Variants in CNTN5 observed in about 807,000 individuals in gnomAD.
The protein encoded by CNTN5 is contactin 5, also known as contactin-5.
CNTN5 carries 77 observed loss-of-function variants against 129.1 expected under a neutral mutation model. That is an observed-to-expected ratio of 0.60 (90% confidence interval 0.50 to 0.72). The LOEUF is 0.72. Among genes scored for constraint, CNTN5 ranks in the 30% least tolerant of loss-of-function variants. CNTN5 has a pLI of 0.00. For synonymous variants in CNTN5, 509 were observed against 465.6 expected (o/e 1.09, Z -1.20); for missense variants, 1,478 against 1,328.8 (o/e 1.11, Z -1.75).
chr11:99,958,015 A>T (rs1029664568), intron 8 of CNTN5, among the ~76,000 whole-genome samples: 1 of 151,972 alleles, frequency 6.6e-6, no homozygotes, highest in Admixed American at 6.6e-5. Flanking sequence ...TAAAATATAT[A>T]TAATAGTAAC....
At chr11:99,809,207 A>G (rs1314663216) in intron 3 of CNTN5, among the ~76,000 whole-genome samples, 1 of 152,186 alleles carries the variant, frequency 6.6e-6, no homozygotes, top group African/African-American at 2.4e-5. Flanking sequence ...GTAAAAATAA[A>G]TTCACTTATA....
At chr11:100,220,336 T>G (rs1280932402) in intron 15 of CNTN5, among the ~76,000 whole-genome samples, 7 of 151,984 alleles carry the variant, frequency 4.6e-5, no homozygotes, top group Admixed American at 1.3e-4. Flanking sequence ...AGGAAAATAT[T>G]TTAACTCCAA....
At chr11:99,040,470 G>A (rs1448032996) in intron 1 of CNTN5, among the ~76,000 whole-genome samples, 1 of 151,976 alleles carries the variant, frequency 6.6e-6, no homozygotes, top group African/African-American at 2.4e-5. Flanking sequence ...AATATTTGTT[G>A]CACATTATAC....
intron 3 of CNTN5, among the ~76,000 whole-genome samples, chr11:99,626,955 A>G (rs1951154467): frequency 6.6e-6 from 1 of 152,102 alleles, no homozygotes; most frequent in South Asian, 2.1e-4. Context: ...TCTCTGCTAT[A>G]TTATCCTTAG....
chr11:99,689,299 G>A (rs10790910), intron 3 of CNTN5, among the ~76,000 whole-genome samples: 44,070 of 151,744 alleles, frequency 0.29, 6,461 homozygotes, highest in South Asian at 0.35. Context: ...AGGCCAAGGC[G>A]GGCAGATCAC....
chr11:99,155,901 G>C (rs998559092), intron 1 of CNTN5, among the ~76,000 whole-genome samples: 1 of 152,122 alleles, frequency 6.6e-6, no homozygotes, highest in Non-Finnish European at 1.5e-5. Context: ...CTGTACCAAA[G>C]AGGAAGAACG....
intron 1 of CNTN5, among the ~76,000 whole-genome samples, chr11:99,070,471 C>T (rs1865298222): frequency 6.6e-6 from 1 of 151,832 alleles, no homozygotes; most frequent in South Asian, 2.1e-4. Context: ...CCCCTATATC[C>T]AGGCAGAATC....
At chr11:99,235,045 C>A (rs560623035) in intron 1 of CNTN5, among the ~76,000 whole-genome samples, 1 of 56,504 alleles carries the variant, frequency 1.8e-5, no homozygotes, top group South Asian at 5.6e-4. Flanking sequence ...TGAAACCTAC[C>A]CTTTTTCTTT....
intron 2 of CNTN5, among the ~76,000 whole-genome samples, chr11:99,413,523 G>A (rs528630195): frequency 9.9e-5 from 15 of 152,204 alleles, no homozygotes; most frequent in South Asian, 2.1e-4. Flanking sequence ...GGAGGCTGAC[G>A]CATGAGAATT....
intron 6 of CNTN5, among the ~76,000 whole-genome samples, chr11:99,845,616 C>T (rs925584861): frequency 7.2e-5 from 11 of 151,892 alleles, no homozygotes; most frequent in Non-Finnish European, 5.9e-5. Flanking sequence ...TCGTGATCCG[C>T]CCGCCTCGGC....
chr11:99,222,907 C>T (rs1043411164), intron 1 of CNTN5, among the ~76,000 whole-genome samples: 1 of 152,126 alleles, frequency 6.6e-6, no homozygotes, highest in Non-Finnish European at 1.5e-5. Flanking sequence ...AGATGTATAA[C>T]CGTGAACACA....
intron 1 of CNTN5, among the ~76,000 whole-genome samples, chr11:99,220,769 A>G (rs1458762392): frequency 6.6e-6 from 1 of 151,940 alleles, no homozygotes; most frequent in Non-Finnish European, 1.5e-5. Context: ...ACACACAGAA[A>G]ATATTGTGTT....
chr11:99,894,704 C>T (rs1591378387), intron 6 of CNTN5, among the ~76,000 whole-genome samples: 1 of 151,964 alleles, frequency 6.6e-6, no homozygotes, highest in Non-Finnish European at 1.5e-5. Context: ...AAAGTTTTTT[C>T]ACCTTACTAA....
intron 13 of CNTN5, among the ~76,000 whole-genome samples, chr11:100,120,191 G>A (rs982736848): frequency 7.2e-5 from 11 of 151,912 alleles, no homozygotes; most frequent in African/African-American, 2.2e-4. Context: ...ACTTAAGCAC[G>A]CATCTTTGTT....
intron 3 of CNTN5, among the ~76,000 whole-genome samples, chr11:99,779,472 G>T (rs1945238638): frequency 6.6e-6 from 1 of 151,892 alleles, no homozygotes; most frequent in South Asian, 2.1e-4. Flanking sequence ...TAGAATATGT[G>T]ATACAAAATC....
intron 6 of CNTN5, among the ~76,000 whole-genome samples, chr11:99,855,147 A>T (rs2135740497): frequency 6.6e-6 from 1 of 152,212 alleles, no homozygotes; most frequent in Non-Finnish European, 1.5e-5. Flanking sequence ...CATCTCTACC[A>T]AAAGTACAAA....
chr11:99,860,399 G>A (rs1948168628), intron 6 of CNTN5, among the ~76,000 whole-genome samples: 2 of 152,090 alleles, frequency 1.3e-5, no homozygotes, highest in African/African-American at 4.8e-5. Context: ...GTCCAGAATG[G>A]TGTTTCATAG....
rs910451117 is a variant in CNTN5, at chr11:100,357,961, T to G, written c.*1741T>G. On this transcript the variant is annotated 3_prime_UTR_variant, in exon 25 of 25. Coordinates refer to ENST00000524871, the MANE Select transcript of CNTN5 (RefSeq NM_014361.4). ...TAGTAAATACTACAGATGGTAAGTA[T>G]TTAAGCCTGTAAGTAAGTAATTATG... 6.6e-6 allele frequency: 1 copy of G among 151,822 alleles called. No individual in the cohort carries two copies. The highest frequency in any genetic ancestry group is 1.5e-5 in the Non-Finnish European group (1 of 67,830). The allele number at this position is 151,822 out of a possible 1,614,324, so 9.4% of individuals were successfully genotyped here. A position where few individuals can be genotyped will look rare whatever the true frequency, so the allele number is the denominator to read the frequency against.
intron 7 of CNTN5, among the ~76,000 whole-genome samples, chr11:99,937,816 C>G (rs1950348848): frequency 1.3e-5 from 2 of 152,170 alleles, no homozygotes; most frequent in South Asian, 4.1e-4. Flanking sequence ...CTAAATGTTA[C>G]AGTGCTTCAG....
Sources: allele counts gnomAD v4.1 joint callset (sites outside exome capture counted in the v4.1 genomes callset), GRCh38; gene constraint gnomAD v4.1.1; transcripts MANE v1.5; gene names NCBI Gene and HGNC (gene_info 2026-07-23, HGNC 2026-07-21).